Variants in STAU1 observed in about 807,000 individuals in gnomAD.
STAU1 encodes the protein double-stranded RNA-binding protein Staufen homolog 1.
In STAU1, 13 loss-of-function variants were observed where a neutral mutation model predicts 62.9. The ratio of observed to expected loss-of-function variants is 0.21; its 90% CI spans 0.13 to 0.33. The LOEUF is 0.33. Ranked by LOEUF, STAU1 falls within the 10% of genes least tolerant of loss-of-function variation. STAU1 has a pLI of 1.00. For synonymous variants in STAU1, 269 were observed against 265.1 expected (o/e 1.01, Z -0.14); for missense variants, 571 against 712.1 (o/e 0.80, Z 2.25).
chr20:49,117,665 G>T lies in STAU1; in HGVS notation c.1509+112C>A. On this transcript the variant is annotated intron_variant, in intron 11 of 13. Coordinates refer to ENST00000371856, the MANE Select transcript of STAU1 (RefSeq NM_017453.4). The surrounding 1 kb of genome is among the most constrained non-coding windows in gnomAD (Gnocchi z 4.6). ...CATCACTGCTCCCCAGCCCATCCCT[G>T]GACAGAACTTGATTTAAGAAAAAAG... The T allele has an allele frequency of 8.7e-7, 1 of 1,149,012 alleles. No homozygotes were observed. The highest frequency in any genetic ancestry group is 1.2e-6 in the Non-Finnish European group (1 of 828,846). The allele number at this position is 1,149,012 out of a possible 1,614,324, so 71.2% of individuals were successfully genotyped here.
the STAU1 span, among the ~76,000 whole-genome samples, chr20:49,213,387 A>AC: frequency 1.3e-5 from 2 of 151,812 alleles, no homozygotes; most frequent in Admixed American, 1.3e-4. Context: ...TGGGCCACCA[A>AC]CCCGGCTAAT....
the STAU1 span, among the ~76,000 whole-genome samples, chr20:49,204,482 A>C: frequency 3.3e-5 from 5 of 149,284 alleles, no homozygotes; most frequent in African/African-American, 1.2e-4. Context: ...TTTTATATTT[A>C]CCCAGGCTCG....
At chr20:49,180,960 C>G (rs348261) in intron 1 of STAU1, among the ~76,000 whole-genome samples, 22 of 152,112 alleles carry the variant, frequency 1.4e-4, no homozygotes, top group African/African-American at 5.3e-4. Context: ...AATTTAGAGA[C>G]AAAGCATGGT....
rs1043361 is a variant in STAU1 at position 49,114,621 on chromosome 20, T to C, written c.*257A>G. ...GGAGAACCAGCTGGCTGGGCAGCCC[T>C]TCTTCCCCACAGGCAGCTGCTATTG... On this transcript the variant is annotated 3_prime_UTR_variant, in exon 14 of 14. Coordinates refer to ENST00000371856, the MANE Select transcript of STAU1 (RefSeq NM_017453.4). 0.37 allele frequency: 168,142 copies of C among 455,560 alleles called. 33,152 individuals carry two copies. Among genetic ancestry groups the C allele is most frequent in the Middle Eastern group, 0.46 (754 of 1,646 alleles). The allele number at this position is 455,560 out of a possible 1,614,324, so 28.2% of individuals were successfully genotyped here.
chr20:49,117,818 A>T lies in STAU1; in HGVS notation c.1468T>A (p.Ser490Thr). 6.2e-7 allele frequency: 1 copy of T among 1,614,014 alleles called. No homozygotes were observed. The highest frequency in any genetic ancestry group is 8.5e-7 in the Non-Finnish European group (1 of 1,179,964). Reference sequence around the variant, plus strand: ...CTGGAAAGATAGTCCAGTTGCTCAGAGGGTCTCGTGAGAGGTCCATGGGGT... The same window carrying T: ...CTGGAAAGATAGTCCAGTTGCTCAGTGGGTCTCGTGAGAGGTCCATGGGGT... ...HVPHGPLTRPSEQLDYLSRVQ... is the reference protein window; with the variant it reads ...HVPHGPLTRPTEQLDYLSRVQ... Residue 490 changes from serine to threonine, a missense_variant, in exon 11 of 14, where the codon TCT becomes ACT. Physicochemically the swap from Ser to Thr is moderately conservative, Grantham distance 58 (BLOSUM62 1). Transcript: ENST00000371856. The surrounding 1 kb of genome is among the most constrained non-coding windows in gnomAD (Gnocchi z 4.6).
the STAU1 span, among the ~76,000 whole-genome samples, chr20:49,200,600 C>CA: frequency 1.1e-3 from 163 of 141,830 alleles, no homozygotes; most frequent in African/African-American, 3.3e-3. Flanking sequence ...GACTCCGTCT[C>CA]AAAAAAAAAA....
At chr20:49,161,170 A>G (rs976423571) in intron 3 of STAU1, among the ~76,000 whole-genome samples, 10 of 152,002 alleles carry the variant, frequency 6.6e-5, no homozygotes, top group Non-Finnish European at 1.2e-4. Flanking sequence ...AATTAAAAAA[A>G]AAAAAAACTA....
At chr20:49,123,332 G>C (rs1568827047) in intron 7 of STAU1, 97 bp from the exon 8 acceptor site, 1 of 1,533,248 alleles carries the variant, frequency 6.5e-7, no homozygotes, top group African/African-American at 1.4e-5. Flanking sequence ...AGAGATTTTG[G>C]GTTGACCTAA....
chr20:49,126,588 C>CAAAAAAAAAAAACAAAAAAAAAAAAAA, intron 6 of STAU1, among the ~76,000 whole-genome samples: 2 of 56,344 alleles, frequency 3.5e-5, no homozygotes, highest in Admixed American at 1.8e-4. Context: ...AAAAAAAAAA[C>CAAAAAAAAAAAACAAAAAAAAAAAAAA]AAAAAAAAAA....
intron 6 of STAU1, among the ~76,000 whole-genome samples, chr20:49,132,300 T>G (rs1160146331): frequency 6.6e-6 from 1 of 152,204 alleles, no homozygotes; most frequent in African/African-American, 2.4e-5. Context: ...CAGCCCACCC[T>G]GGCCCTCTCC....
intron 12 of STAU1, 82 bp from the exon 13 acceptor site, chr20:49,115,949 G>C: frequency 8.4e-7 from 1 of 1,187,446 alleles, no homozygotes; most frequent in African/African-American, 1.5e-5. Flanking sequence ...AGGCAAGAGA[G>C]TTCCTGCTGC....
At chr20:49,216,642 C>A in the STAU1 span, among the ~76,000 whole-genome samples, 1,560 of 152,224 alleles carry the variant, frequency 0.01, 11 homozygotes, top group Middle Eastern at 0.024. Flanking sequence ...TGATGTGAAA[C>A]CCCCAAAGAG....
chr20:49,215,517 A>T, the STAU1 span, among the ~76,000 whole-genome samples: 117,639 of 152,062 alleles, frequency 0.77, 45,767 homozygotes, highest in East Asian at 0.95. Flanking sequence ...TGGGGAGAAA[A>T]GAAACGGTGA....
intron 1 of STAU1, among the ~76,000 whole-genome samples, chr20:49,179,590 CAG>C (rs2093700071): frequency 6.6e-6 from 1 of 152,174 alleles, no homozygotes; most frequent in Non-Finnish European, 1.5e-5. Context: ...TTCTTTCTGA[CAG>C]AGGAAAGGAC....
chr20:49,120,027 G>A lies in STAU1; in HGVS notation c.1068C>T (p.Val356=). 1 of 1,614,184 alleles carries A rather than the reference G, an allele frequency of 6.2e-7. No individual in the cohort carries two copies. Among genetic ancestry groups the A allele is most frequent in the Non-Finnish European group, 8.5e-7 (1 of 1,180,034 alleles). ...ENMLEILGFK[V]PQAQPTKPAL... ...CGGGTTTGGTGGGCTGCGCCTGCGG[G>A]ACTTTGAAACCAAGGATCTCCAGCA... Residue 356 remains valine (V), a synonymous_variant, in exon 9 of 14, where the codon GTC becomes GTT. Transcript: ENST00000371856.
chr20:49,152,112 C>G (rs2146236788), intron 4 of STAU1, among the ~76,000 whole-genome samples: 1 of 152,262 alleles, frequency 6.6e-6, no homozygotes, highest in East Asian at 1.9e-4. Flanking sequence ...TTGCATGTCT[C>G]CAATAGGAGG....
intron 5 of STAU1, among the ~76,000 whole-genome samples, chr20:49,144,120 C>A (rs2093069956): frequency 6.6e-6 from 1 of 152,238 alleles, no homozygotes. Context: ...TAAACACCAA[C>A]AGAAGGATCA....
intron 5 of STAU1, 68 bp from the exon 6 acceptor site, chr20:49,135,999 G>A (rs2092874573): frequency 1.1e-5 from 14 of 1,238,030 alleles, no homozygotes; most frequent in Admixed American, 6.1e-5. Context: ...GTTGGTTCAT[G>A]CTTGTAATCC....
intron 2 of STAU1, among the ~76,000 whole-genome samples, chr20:49,170,267 G>A (rs907840217): frequency 6.6e-6 from 1 of 152,178 alleles, no homozygotes; most frequent in African/African-American, 2.4e-5. Flanking sequence ...TAATTATCTT[G>A]TGCTACTAAT....
Sources: allele counts gnomAD v4.1 joint callset (sites outside exome capture counted in the v4.1 genomes callset), GRCh38; gene constraint gnomAD v4.1.1; non-coding constraint Gnocchi (gnomAD v3.1); transcripts MANE v1.5; gene names NCBI Gene and HGNC (gene_info 2026-07-23, HGNC 2026-07-21).